Variants in STX8 observed in about 807,000 individuals in gnomAD.
STX8 encodes syntaxin-8.
A neutral mutation model predicts 37.5 loss-of-function variants in STX8; 23 were observed. That is an observed-to-expected ratio of 0.61 (90% CI 0.44 to 0.87). The LOEUF (loss-of-function observed/expected upper bound fraction) is 0.87, where lower values mean the gene tolerates loss of function less well. Among genes scored for constraint, STX8 ranks in the 40% least tolerant of loss-of-function variants. The pLI is 0.00. For missense variants in STX8, 313 were observed against 284.7 expected (o/e 1.10, Z -0.71); for synonymous variants, 115 against 99.1 (o/e 1.16, Z -0.95).
chr17:9,442,132 C>G (rs1331871463), intron 6 of STX8, among the ~76,000 whole-genome samples: 2 of 152,242 alleles, frequency 1.3e-5, no homozygotes, highest in African/African-American at 2.4e-5. Context: ...TACCGCCACA[C>G]ACGTTTTTCT....
chr17:9,522,413 AT>A (rs1224754800), intron 4 of STX8, among the ~76,000 whole-genome samples: 1 of 152,032 alleles, frequency 6.6e-6, no homozygotes, highest in African/African-American at 2.4e-5. Context: ...AAAGTTTCCT[AT>A]CGGCCGGGCA....
chr17:9,561,242 T>G (rs1907219050), intron 2 of STX8, among the ~76,000 whole-genome samples: 1 of 152,038 alleles, frequency 6.6e-6, no homozygotes, highest in South Asian at 2.1e-4. Flanking sequence ...CAAATAAAAT[T>G]TAAAAACCGG....
intron 6 of STX8, among the ~76,000 whole-genome samples, chr17:9,430,076 T>G (rs1275591050): frequency 0.011 from 661 of 60,022 alleles, 46 homozygotes; most frequent in African/African-American, 0.017. Context: ...ATATTCTATA[T>G]AATATATATA....
intron 6 of STX8, among the ~76,000 whole-genome samples, chr17:9,465,046 G>T (rs767447332): frequency 6.6e-6 from 1 of 152,012 alleles, no homozygotes; most frequent in African/African-American, 2.4e-5. Context: ...CACACTTTGG[G>T]TCACACCTTT....
intron 6 of STX8, among the ~76,000 whole-genome samples, chr17:9,448,522 C>G (rs1460967458): frequency 9.1e-6 from 1 of 110,204 alleles, no homozygotes; most frequent in Non-Finnish European, 1.8e-5. Context: ...CGTTCCTAAG[C>G]ACAAGAAGGC....
At chr17:9,276,018 C>A (rs1907663246) in intron 7 of STX8, among the ~76,000 whole-genome samples, 1 of 152,102 alleles carries the variant, frequency 6.6e-6, no homozygotes, top group South Asian at 2.1e-4. Flanking sequence ...TCATGGTGTG[C>A]CTACAGCCCC....
rs34634153 is a variant in STX8, at chr17:9,390,671, C to CAA, written c.542-12020_542-12019dup. On this transcript the variant is annotated intron_variant, in intron 6 of 7. Coordinates refer to ENST00000306357, the MANE Select transcript of STX8 (RefSeq NM_004853.3). ...TGAAACCCTGTCTCTACTAAAAATA[C>CAA]AAAAAAAAAAAAAAAATTAGCCAGG... is the stretch of plus-strand genomic sequence containing the variant. Among the ~76,000 whole-genome samples, 1,070 of 125,462 alleles carry CAA rather than the reference C, an allele frequency of 8.5e-3. 16 individuals carry two copies. The highest frequency in any genetic ancestry group is 0.029 in the African/African-American group (986 of 33,996). 82.3% of individuals were successfully genotyped at this position (125,462 alleles called of 152,430 possible).
intron 6 of STX8, among the ~76,000 whole-genome samples, chr17:9,387,973 T>G (rs1050868784): frequency 5.9e-5 from 9 of 152,158 alleles, no homozygotes; most frequent in African/African-American, 2.2e-4. Flanking sequence ...AGTCAACACT[T>G]GTAGGGATTA....
At chr17:9,335,514 A>T (rs1910106234) in intron 7 of STX8, among the ~76,000 whole-genome samples, 1 of 152,172 alleles carries the variant, frequency 6.6e-6, no homozygotes, top group South Asian at 2.1e-4. Context: ...TTTGGCAGAG[A>T]CATTCAAACC....
chr17:9,272,731 A>G (rs1057205107), intron 7 of STX8, among the ~76,000 whole-genome samples: 2 of 152,176 alleles, frequency 1.3e-5, no homozygotes, highest in Admixed American at 6.5e-5. Flanking sequence ...TTCTTGAAGT[A>G]TATTCTTTAC....
intron 6 of STX8, among the ~76,000 whole-genome samples, chr17:9,474,710 C>T (rs1310216274): frequency 2.6e-5 from 4 of 152,216 alleles, no homozygotes; most frequent in South Asian, 2.1e-4. Flanking sequence ...CAGTGGCTCA[C>T]GCCTGTAATC....
intron 6 of STX8, among the ~76,000 whole-genome samples, chr17:9,459,535 G>A: frequency 6.6e-6 from 1 of 152,172 alleles, no homozygotes; most frequent in East Asian, 1.9e-4. Context: ...TCACTTCCTT[G>A]TATGGAGCCT....
chr17:9,255,301 C>T (rs55963859), intron 7 of STX8, among the ~76,000 whole-genome samples: 75,945 of 151,400 alleles, frequency 0.5, 19,712 homozygotes, highest in Non-Finnish European at 0.59. Context: ...CCAAGGCGGG[C>T]GGATCATCTG....
At chr17:9,491,518 T>A (rs1906850020) in intron 6 of STX8, among the ~76,000 whole-genome samples, 1 of 152,204 alleles carries the variant, frequency 6.6e-6, no homozygotes, top group Non-Finnish European at 1.5e-5. Context: ...AGCCTCAGTG[T>A]ACAAAGTGCT....
chr17:9,479,998 C>T (rs1906254693), intron 6 of STX8, among the ~76,000 whole-genome samples: 1 of 152,204 alleles, frequency 6.6e-6, no homozygotes, highest in Admixed American at 6.5e-5. Flanking sequence ...GCTTTTCATA[C>T]AGGTAACTGC....
At chr17:9,378,349 C>A (rs1597634147) in intron 7 of STX8, 5 of 501,884 alleles carry the variant, frequency 1.0e-5, no homozygotes, top group South Asian at 7.2e-5. Context: ...AACAAAAAAA[C>A]AATGAATGAT....
chr17:9,427,890 G>A (rs1913697507), intron 6 of STX8, among the ~76,000 whole-genome samples: 1 of 152,168 alleles, frequency 6.6e-6, no homozygotes, highest in African/African-American at 2.4e-5. Context: ...TCTTGCTGAA[G>A]GCTGTAACTC....
chr17:9,269,798 A>G (rs1907384941), intron 7 of STX8, among the ~76,000 whole-genome samples: 1 of 152,194 alleles, frequency 6.6e-6, no homozygotes, highest in Non-Finnish European at 1.5e-5. Context: ...GTGCCTTGGC[A>G]GGGATCGTTC....
At chr17:9,559,733 T>TA (rs1425434678) in intron 2 of STX8, among the ~76,000 whole-genome samples, 2 of 38,608 alleles carry the variant, frequency 5.2e-5, no homozygotes, top group African/African-American at 1.6e-4. Context: ...TTATTATTAT[T>TA]TTATATATAT....
Sources: gnomAD v4.1 joint callset for allele counts (sites outside exome capture counted in the v4.1 genomes callset) on GRCh38, gnomAD v4.1.1 for gene constraint, MANE v1.5 for transcripts, NCBI Gene and HGNC (gene_info 2026-07-23, HGNC 2026-07-21) for gene names.